Variants in RIPOR2 observed in about 807,000 individuals in gnomAD.
RIPOR2 encodes the protein rho family-interacting cell polarization regulator 2.
A neutral mutation model predicts 114.5 loss-of-function variants in RIPOR2; 39 were observed. The ratio of observed to expected loss-of-function variants is 0.34; its 90% CI spans 0.26 to 0.44. The LOEUF (loss-of-function observed/expected upper bound fraction) is 0.44, where lower values mean the gene tolerates loss of function less well. RIPOR2 is among the 20% of genes least tolerant of loss of function. The pLI is 1.00. For missense variants in RIPOR2, 1,007 were observed against 1,255.1 expected (o/e 0.80, Z 2.99); for synonymous variants, 445 against 484.4 (o/e 0.92, Z 1.07).
At chr6:25,031,520 C>G (rs1291333172) in intron 1 of RIPOR2, among the ~76,000 whole-genome samples, 1 of 149,486 alleles carries the variant, frequency 6.7e-6, no homozygotes, top group Non-Finnish European at 1.5e-5. Flanking sequence ...ATAAACATGA[C>G]TAAAAATTTT....
rs1764919793 is a variant in RIPOR2, at chr6:24,869,216, T to C, written c.448-69A>G. 3 of 723,216 alleles carry C rather than the reference T, an allele frequency of 4.1e-6. No individual in the cohort carries two copies. In the South Asian group the frequency reaches 5.2e-5, roughly 13 times the overall value. The allele number at this position is 723,216 out of a possible 1,614,324, so 44.8% of individuals were successfully genotyped here. A position where few individuals can be genotyped will look rare whatever the true frequency, so the allele number is the denominator to read the frequency against. On this transcript the variant is annotated intron_variant, in intron 5 of 21. Coordinates refer to ENST00000643898, the MANE Select transcript of RIPOR2 (RefSeq NM_001286445.3). ...CAATTGACTTAGGCTTGTGAGAATA[T>C]CTTGATTATATCATACTCAAAAGTA...
chr6:24,897,665 G>A (rs1768020309), intron 1 of RIPOR2, among the ~76,000 whole-genome samples: 1 of 152,158 alleles, frequency 6.6e-6, no homozygotes, highest in Admixed American at 6.5e-5. Context: ...CTGAGAGTTG[G>A]CTCCGAGGCA....
chr6:24,854,191 G>A (rs1281102457), intron 8 of RIPOR2, among the ~76,000 whole-genome samples: 2 of 151,968 alleles, frequency 1.3e-5, no homozygotes, highest in Non-Finnish European at 2.9e-5. Flanking sequence ...AAACAGCAGT[G>A]GAGAGACAGA....
intron 1 of RIPOR2, among the ~76,000 whole-genome samples, chr6:24,973,510 T>C (rs1773888482): frequency 6.7e-6 from 1 of 150,142 alleles, no homozygotes. Context: ...GGCAGGAGAA[T>C]AGCTTGAACC....
intron 1 of RIPOR2, among the ~76,000 whole-genome samples, chr6:24,988,972 G>T (rs191039039): frequency 1.4e-3 from 219 of 152,180 alleles, no homozygotes; most frequent in African/African-American, 4.5e-3. Flanking sequence ...ATTTTAATTT[G>T]TGTTATTAAT....
At chr6:24,938,628 C>T (rs1186299837), upstream of RIPOR2, among the ~76,000 whole-genome samples, 1 of 152,152 alleles carries the variant, frequency 6.6e-6, no homozygotes, top group African/African-American at 2.4e-5. Context: ...AAATTGAAGG[C>T]TCAATGGGGA....
chr6:24,963,387 T>C (rs531105343), intron 1 of RIPOR2, among the ~76,000 whole-genome samples: 113 of 152,262 alleles, frequency 7.4e-4, no homozygotes, highest in African/African-American at 2.4e-3. Context: ...ATTTGGCAAA[T>C]AATCCACACC....
intron 1 of RIPOR2, among the ~76,000 whole-genome samples, chr6:24,988,228 C>A (rs368065876): frequency 5.6e-4 from 86 of 152,250 alleles, no homozygotes; most frequent in African/African-American, 2.0e-3. Flanking sequence ...CTCTCTCTGT[C>A]ACCCAGGCTG....
chr6:24,868,040 C>A (rs9467338), intron 6 of RIPOR2, among the ~76,000 whole-genome samples: 90,659 of 151,994 alleles, frequency 0.6, 27,694 homozygotes, highest in East Asian at 0.72. Flanking sequence ...CACATAAATA[C>A]CTTCTGATGG....
In RIPOR2 at chr6:24,804,661, C is replaced by T. The variant is rs1216413451; in HGVS notation, c.*1712G>A. The stretch of plus-strand genomic sequence containing the variant: ...AGTTCACAGTTGAAAGAACCATTTG[C>T]CAGAAGCCTGGCAAACAATTTGCAC... On this transcript the variant is annotated 3_prime_UTR_variant, in exon 22 of 22. Coordinates refer to ENST00000643898, the MANE Select transcript of RIPOR2 (RefSeq NM_001286445.3). 6.6e-6 allele frequency: 1 copy of T among 152,066 alleles called. No individual in the cohort carries two copies. The allele number at this position is 152,066 out of a possible 1,614,324, so 9.4% of individuals were successfully genotyped here.
chr6:24,867,912 T>C (rs1199060491), intron 6 of RIPOR2, among the ~76,000 whole-genome samples: 2 of 152,208 alleles, frequency 1.3e-5, no homozygotes, highest in Admixed American at 6.5e-5. Context: ...TTGAAAACCA[T>C]TGGGATTGTT....
chr6:24,869,597 T>C (rs902153270), intron 5 of RIPOR2, among the ~76,000 whole-genome samples: 61 of 152,246 alleles, frequency 4.0e-4, no homozygotes, highest in African/African-American at 1.3e-3. Flanking sequence ...GGATTACAGA[T>C]ATGAGCCACC....
chr6:24,834,740 C>A (rs1034691941), intron 15 of RIPOR2, among the ~76,000 whole-genome samples: 1 of 152,116 alleles, frequency 6.6e-6, no homozygotes, highest in Non-Finnish European at 1.5e-5. Context: ...CCTCCCACCT[C>A]CGCCTCCTGA....
chr6:25,034,055 G>T (rs1777122486), intron 1 of RIPOR2, among the ~76,000 whole-genome samples: 2 of 151,242 alleles, frequency 1.3e-5, no homozygotes, highest in African/African-American at 4.9e-5. Context: ...AATGTATAGA[G>T]AATTGGTAAC....
upstream of RIPOR2, among the ~76,000 whole-genome samples, chr6:24,936,761 CACAA>C (rs1771831309): frequency 6.6e-6 from 1 of 152,320 alleles, no homozygotes; most frequent in South Asian, 2.1e-4. Flanking sequence ...TGTCTGGCTG[CACAA>C]ACAAACACAC....
chr6:24,963,642 ATT>A (rs2114225594), intron 1 of RIPOR2, among the ~76,000 whole-genome samples: 1 of 152,300 alleles, frequency 6.6e-6, no homozygotes, highest in South Asian at 2.1e-4. Flanking sequence ...CTCTCATGGA[ATT>A]TGCATTGTTA....
chr6:24,984,257 C>T (rs190121842), intron 1 of RIPOR2, among the ~76,000 whole-genome samples: 7 of 152,122 alleles, frequency 4.6e-5, no homozygotes, highest in Non-Finnish European at 1.0e-4. Context: ...TGGGTGCAGG[C>T]GGGCTGAGTC....
intron 1 of RIPOR2, among the ~76,000 whole-genome samples, chr6:25,004,108 C>T (rs1775440279): frequency 6.6e-6 from 1 of 152,168 alleles, no homozygotes; most frequent in African/African-American, 2.4e-5. Context: ...GTGACATGTT[C>T]ATTGTCTCAA....
intron 21 of RIPOR2, 43 bp from the exon 22 acceptor site, chr6:24,806,516 T>A: frequency 1.5e-6 from 2 of 1,364,380 alleles, no homozygotes; most frequent in Non-Finnish European, 2.0e-6. Flanking sequence ...TCAAACAACG[T>A]TTTTATTAAT....
Sources: gnomAD v4.1 joint callset for allele counts (sites outside exome capture counted in the v4.1 genomes callset) on GRCh38, gnomAD v4.1.1 for gene constraint, MANE v1.5 for transcripts, NCBI Gene and HGNC (gene_info 2026-07-23, HGNC 2026-07-21) for gene names.